PAX3: variants seen among roughly 807,000 people sequenced by gnomAD.
The protein encoded by PAX3 is paired box protein Pax-3.
Under a neutral mutation model 51.6 loss-of-function variants are expected in PAX3, and 14 were observed. The ratio of observed to expected loss-of-function variants is 0.27; its 90% CI spans 0.18 to 0.42. The LOEUF (loss-of-function observed/expected upper bound fraction) is 0.42, where lower values mean the gene tolerates loss of function less well. Among genes scored for constraint, PAX3 ranks in the 10% least tolerant of loss-of-function variants. The pLI is 1.00. For synonymous variants in PAX3, 280 were observed against 253.4 expected, an observed-to-expected ratio of 1.11 and a Z score of -1.00; for missense variants, 540 against 642.8, an observed-to-expected ratio of 0.84 and a Z score of 1.73.
chr2:222,271,355 G>A (rs574665918), intron 4 of PAX3, among the ~76,000 whole-genome samples: 4 of 152,300 alleles, frequency 2.6e-5, no homozygotes, highest in African/African-American at 7.2e-5. Context: ...CAAGAAAAAT[G>A]TTTGGAACAC....
At chr2:222,280,635 C>T (rs62186069) in intron 4 of PAX3, among the ~76,000 whole-genome samples, 20,755 of 152,070 alleles carry the variant, frequency 0.14, 1,679 homozygotes, top group Non-Finnish European at 0.18. Context: ...CCCACTTATC[C>T]ATTGGTTTTA....
intron 4 of PAX3, among the ~76,000 whole-genome samples, chr2:222,260,206 C>T (rs573319630): frequency 2.0e-5 from 3 of 152,098 alleles, no homozygotes; most frequent in Admixed American, 2.0e-4. Flanking sequence ...ACTGAATGCT[C>T]TTCTGTTGTA....
At chr2:222,257,594 T>C (rs888145246) in intron 4 of PAX3, among the ~76,000 whole-genome samples, 1 of 152,248 alleles carries the variant, frequency 6.6e-6, no homozygotes, top group Non-Finnish European at 1.5e-5. Flanking sequence ...TCATCTAAAT[T>C]GACTACCTGT....
At position 222,229,105 on chromosome 2, in the gene PAX3, G is replaced by C. The variant is rs1574657544; in HGVS notation, c.792+2973C>G. On this transcript the variant is annotated intron_variant, in intron 5 of 8. Transcript: ENST00000392070. Reference sequence around the variant, plus strand: ...ATTGCAGAACTATAATAAAAGCAAAGTAGATTTGAAACATATTATTTATAA... The same window carrying C: ...ATTGCAGAACTATAATAAAAGCAAACTAGATTTGAAACATATTATTTATAA... Among the ~76,000 whole-genome samples the C allele has an allele frequency of 2.0e-5, 3 of 151,876 alleles. No individual in the cohort carries two copies. The South Asian group carries it at 6.2e-4, about 32-fold the overall frequency.
chr2:222,295,084 G>A (rs1424879070), intron 3 of PAX3, among the ~76,000 whole-genome samples: 3 of 151,804 alleles, frequency 2.0e-5, no homozygotes, highest in Non-Finnish European at 4.4e-5. Flanking sequence ...GGGGGGCTCC[G>A]GACCGTCCCT....
chr2:222,242,559 A>C (rs986000759), intron 4 of PAX3: 2 of 152,166 alleles, frequency 1.3e-5, no homozygotes, highest in African/African-American at 2.4e-5. Context: ...AGGTTACCCT[A>C]ATATAAAATC....
In PAX3 at chr2:222,250,408, T is replaced by C. The variant is rs188020368; in HGVS notation, c.587-18125A>G. 5.3e-5 allele frequency among the ~76,000 whole-genome samples: 8 copies of C among 152,282 alleles called. No homozygotes were observed. The East Asian group carries it at 1.5e-3, about 29-fold the overall frequency. Reference sequence around the variant, plus strand: ...TGTCCCTAAAAAATGATACTGCTAGTACCCTCCCAAACTTGAAAAAAATCA... The same window carrying C: ...TGTCCCTAAAAAATGATACTGCTAGCACCCTCCCAAACTTGAAAAAAATCA... On this transcript the variant is annotated intron_variant, in intron 4 of 8. Coordinates refer to ENST00000392070, the MANE Select transcript of PAX3 (RefSeq NM_181458.4).
chr2:222,215,591 A>G (rs1691923535), intron 7 of PAX3, among the ~76,000 whole-genome samples: 1 of 152,128 alleles, frequency 6.6e-6, no homozygotes, highest in African/African-American at 2.4e-5. Context: ...CAGTCAGGGT[A>G]GTATTTCTTG....
At chr2:222,241,456 A>T (rs576427559) in intron 4 of PAX3, among the ~76,000 whole-genome samples, 19 of 152,346 alleles carry the variant, frequency 1.2e-4, no homozygotes, top group African/African-American at 4.6e-4. Flanking sequence ...GCCGCTAAGT[A>T]ACTGACTGAA....
Position 222,298,642 on chromosome 2 carries a change from A to G in PAX3, c.-27T>C, listed in dbSNP as rs769214905. The stretch of plus-strand genomic sequence containing the variant: ...CTGGGGGCAGCTTCGCTCGGAAATT[A>G]TATCCAGGTGAAGGCGAAACGGAAA... On this transcript the variant is annotated 5_prime_UTR_variant, in exon 1 of 9. Coordinates refer to ENST00000392070, the MANE Select transcript of PAX3 (RefSeq NM_181458.4). 1 of 1,585,164 alleles carries G rather than the reference A, an allele frequency of 6.3e-7. No homozygotes were observed. The highest frequency in any genetic ancestry group is 1.3e-5 in the African/African-American group (1 of 74,288).
At chr2:222,236,947 T>A (rs1226673739) in intron 4 of PAX3, among the ~76,000 whole-genome samples, 1 of 152,178 alleles carries the variant, frequency 6.6e-6, no homozygotes, top group Non-Finnish European at 1.5e-5. Context: ...TTGCTTTAAA[T>A]TGCAAAAAGA....
intron 4 of PAX3, among the ~76,000 whole-genome samples, chr2:222,237,326 G>GCACACACACACACACACACA (rs3075849): frequency 6.8e-6 from 1 of 146,456 alleles, no homozygotes; most frequent in Non-Finnish European, 1.5e-5. Flanking sequence ...TTTATCACAT[G>GCACACACACACACACACACA]CACACACACA....
At chr2:222,295,137 G>A (rs990309869) in intron 3 of PAX3, among the ~76,000 whole-genome samples, 2 of 152,108 alleles carry the variant, frequency 1.3e-5, no homozygotes, top group African/African-American at 4.8e-5. Context: ...AAGCCTCCAC[G>A]GCTTTGCGCA....
In PAX3 at chr2:222,201,441, A is replaced by T; in HGVS notation, c.1422T>A (p.Ser474Arg). 1.2e-6 allele frequency: 2 copies of T among 1,614,058 alleles called. No individual in the cohort carries two copies. Among genetic ancestry groups the T allele is most frequent in the Non-Finnish European group, 1.7e-6 (2 of 1,179,982 alleles). The change falls in exon 9 of 9, where the codon AGT (serine) becomes AGA (arginine). Residue 474 changes from serine (S) to arginine (R), a missense_variant and splice_region_variant. Around this residue, in one of 3 missense-constraint regions of PAX3, gnomAD observed 427 missense variants for 483.6 expected, o/e 0.88. Coordinates refer to ENST00000392070, the MANE Select transcript of PAX3 (RefSeq NM_181458.4). The part of the protein sequence containing the change: ...TGYQYGQYGQ[S>R]AFHYLKPDIA ...TATCTGGCTTGAGATAATGAAAGGC[A>T]CCTGTAAGGAAACACACGCAGCTTT...
At chr2:222,231,754 T>C (rs972603504) in intron 5 of PAX3, among the ~76,000 whole-genome samples, 5 of 152,188 alleles carry the variant, frequency 3.3e-5, no homozygotes, top group Admixed American at 6.5e-5. Context: ...GTGAAGCACT[T>C]AAAATAGTGG....
chr2:222,287,192 T>C (rs1193941912), intron 4 of PAX3, among the ~76,000 whole-genome samples: 1 of 152,238 alleles, frequency 6.6e-6, no homozygotes, highest in Non-Finnish European at 1.5e-5. Flanking sequence ...GGGACAAAAC[T>C]ATCTTTCCCA....
intron 4 of PAX3, among the ~76,000 whole-genome samples, chr2:222,265,646 AGAAGGAAGGAAGGAAGGAAG>A (rs71053065): frequency 3.7e-5 from 4 of 109,182 alleles, no homozygotes; most frequent in Admixed American, 3.0e-4. Flanking sequence ...ATCAAAAAAA[AGAAGGAAGGAAGGAAGGAAG>A]GAAGGAAGGA....
chr2:222,260,505 C>T (rs1332705037), intron 4 of PAX3, among the ~76,000 whole-genome samples: 1 of 148,758 alleles, frequency 6.7e-6, no homozygotes, highest in Non-Finnish European at 1.5e-5. Flanking sequence ...ATTTCAATAC[C>T]ATAAGGTCAT....
intron 4 of PAX3, among the ~76,000 whole-genome samples, chr2:222,254,940 G>A (rs12616136): frequency 0.11 from 17,457 of 151,922 alleles, 1,234 homozygotes; most frequent in East Asian, 0.32. Flanking sequence ...GCACCACCAA[G>A]CCTGGCTAAT....
Sources: gnomAD v4.1 joint callset for allele counts (sites outside exome capture counted in the v4.1 genomes callset) on GRCh38, gnomAD v4.1.1 for gene constraint, gnomAD v4.1.1 regional missense constraint, MANE v1.5 for transcripts, NCBI Gene and HGNC (gene_info 2026-07-23, HGNC 2026-07-21) for gene names.